The following NEK9 variants were observed in gnomAD, a reference collection of about 807,000 sequenced individuals.
NEK9 encodes the protein serine/threonine-protein kinase Nek9.
Under a neutral mutation model 123.4 loss-of-function variants are expected in NEK9, and 75 were observed. The ratio of observed to expected loss-of-function variants is 0.61; its 90% CI spans 0.50 to 0.74. NEK9 has a LOEUF of 0.74. Among genes scored for constraint, NEK9 ranks in the 30% least tolerant of loss-of-function variants. The pLI is 0.00. For missense variants in NEK9, 952 were observed against 1,214.4 expected (o/e 0.78, Z 3.21); for synonymous variants, 438 against 458.7 (o/e 0.95, Z 0.58).
chr14:75,118,508 T>C (rs1462450371), intron 5 of NEK9, among the ~76,000 whole-genome samples: 2 of 152,220 alleles, frequency 1.3e-5, no homozygotes, highest in Admixed American at 6.5e-5. Flanking sequence ...AAGAGATGTC[T>C]AACACCTTGA....
rs1894425302 is a variant in NEK9 at position 75,097,378 on chromosome 14, T to C, written c.2003-108A>G. The C allele has an allele frequency of 3.3e-6, 3 of 903,162 alleles. No individual in the cohort carries two copies. The East Asian group carries it at 8.3e-5, about 25-fold the overall frequency. 55.9% of individuals were successfully genotyped at this position (903,162 alleles called of 1,614,324 possible). ...GCTAGAAAGACTTCCCACTATGTAC[T>C]AAACAAGGGAAAGCTGTTTATTCTC... On this transcript the variant is annotated intron_variant, in intron 16 of 21. Coordinates refer to ENST00000238616, the MANE Select transcript of NEK9 (RefSeq NM_033116.6).
intron 4 of NEK9, among the ~76,000 whole-genome samples, chr14:75,119,285 C>T (rs1895244383): frequency 6.6e-6 from 1 of 151,748 alleles, no homozygotes; most frequent in Non-Finnish European, 1.5e-5. Flanking sequence ...TACATTCCAG[C>T]CTGGGCAACA....
At chr14:75,117,129 C>A (rs773028176) in intron 6 of NEK9, 66 bp downstream of exon 6, 13 of 1,526,652 alleles carry the variant, frequency 8.5e-6, no homozygotes, top group African/African-American at 1.4e-5. Flanking sequence ...TAGAGTTGAT[C>A]TGCTTAGTCA....
At position 75,082,781 on chromosome 14, in the gene NEK9, G is replaced by A. The variant is rs560152040; in HGVS notation, c.*1783C>T. 8.6e-4 allele frequency: 336 copies of A among 391,480 alleles called. No homozygotes were observed. The highest frequency in any genetic ancestry group is 1.3e-3 in the Non-Finnish European group (297 of 222,096). The allele number at this position is 391,480 out of a possible 1,614,324, so 24.3% of individuals were successfully genotyped here. ...GATACAGGGACATGACAGGTCAATC[G>A]GTCCTCAAGAAAATCAAAGTTGCAT... is the stretch of plus-strand genomic sequence containing the variant. On this transcript the variant is annotated 3_prime_UTR_variant, in exon 22 of 22. Transcript: ENST00000238616.
At chr14:75,102,183 A>G (rs1021137264) in intron 14 of NEK9, among the ~76,000 whole-genome samples, 13 of 152,212 alleles carry the variant, frequency 8.5e-5, no homozygotes, top group African/African-American at 2.7e-4. Context: ...ATCTAATTTC[A>G]TCTATAGGGT....
chr14:75,106,493 T>C lies in NEK9; in HGVS notation c.1528+9A>G. The C allele has an allele frequency of 6.2e-7, 1 of 1,609,402 alleles. No homozygotes were observed. The highest frequency in any genetic ancestry group is 8.5e-7 in the Non-Finnish European group (1 of 1,177,300). Reference sequence around the variant, plus strand: ...GTGAAGAAGTGGACAGAGACAAGGCTACCCCTACCATATTCGCCACAGCCC... The same window carrying C: ...GTGAAGAAGTGGACAGAGACAAGGCCACCCCTACCATATTCGCCACAGCCC... On this transcript the variant is annotated intron_variant, in intron 12 of 21. Coordinates refer to ENST00000238616, the MANE Select transcript of NEK9 (RefSeq NM_033116.6).
At chr14:75,089,747 A>G (rs1376010720) in intron 19 of NEK9, among the ~76,000 whole-genome samples, 2 of 143,578 alleles carry the variant, frequency 1.4e-5, no homozygotes, top group African/African-American at 2.6e-5. Flanking sequence ...TCACCAGGCC[A>G]AAGTGCAGTG....
In NEK9 at chr14:75,082,763, G is replaced by C. The variant is rs1893903692; in HGVS notation, c.*1801C>G. 2.6e-6 allele frequency: 1 copy of C among 385,104 alleles called. No individual in the cohort carries two copies. Among genetic ancestry groups the C allele is most frequent in the Middle Eastern group, 6.6e-4 (1 of 1,522 alleles). The allele number at this position is 385,104 out of a possible 1,614,324, so 23.9% of individuals were successfully genotyped here. A position where few individuals can be genotyped will look rare whatever the true frequency, so the allele number is the denominator to read the frequency against. ...TGAGATGATGAGCATGAGGATACAGGGACATGACAGGTCAATCGGTCCTCA... is the reference window on the plus strand; with the variant it reads ...TGAGATGATGAGCATGAGGATACAGCGACATGACAGGTCAATCGGTCCTCA... On this transcript the variant is annotated 3_prime_UTR_variant, in exon 22 of 22. Transcript: ENST00000238616.
rs1566659121 is a variant in NEK9 at position 75,118,860 on chromosome 14, T to C, written c.600A>G (p.Lys200=). 1 of 1,609,738 alleles carries C rather than the reference T, an allele frequency of 6.2e-7. No homozygotes were observed. Among genetic ancestry groups the C allele is most frequent in the East Asian group, 2.2e-5 (1 of 44,856 alleles). Residue 200 remains lysine, a synonymous_variant, in exon 5 of 22, where the codon AAA becomes AAG. Transcript: ENST00000238616. ...IKLGDYGLAK[K]LNSEYSMAET... ...CAGCCATGGAATACTCAGAATTAAG[T>C]TTCTTTGCTAGGCCATAATCTCCAA...
rs1894207235 is a variant in NEK9 at position 75,091,299 on chromosome 14, T to C, written c.2413A>G (p.Ser805Gly). 1.2e-6 allele frequency: 2 copies of C among 1,612,832 alleles called. No homozygotes were observed. ...TEAMGNSNGA[S>G]SSCPGWLRKE... ...CGAAGCCAGCCAGGACAGGAGCTGCTGGCCCCATTACTGTTCCCCATGGCC... is the reference window on the plus strand; with the variant it reads ...CGAAGCCAGCCAGGACAGGAGCTGCCGGCCCCATTACTGTTCCCCATGGCC... The change falls in exon 19 of 22, where the codon AGC becomes GGC. Residue 805 changes from serine (S) to glycine (G), a missense_variant. Coordinates refer to ENST00000238616, the MANE Select transcript of NEK9 (RefSeq NM_033116.6).
rs1472080029 is a variant in NEK9 at position 75,118,932 on chromosome 14, A to G, written c.528T>C (p.Asp176=). 2.0e-6 allele frequency: 3 copies of G among 1,476,576 alleles called. No homozygotes were observed. The highest frequency in any genetic ancestry group is 2.8e-6 in the Non-Finnish European group (3 of 1,058,416). 91.5% of individuals were successfully genotyped at this position (1,476,576 alleles called of 1,614,324 possible). The change falls in exon 5 of 22, where the codon GAT becomes GAC. Residue 176 remains aspartate, a synonymous_variant. Coordinates refer to ENST00000238616, the MANE Select transcript of NEK9 (RefSeq NM_033116.6). ...CIHKAGILHR[D]IKTLNIFLTK... ...TCAGAAAAATATTTAATGTCTTTATATCTCTGAAAAAAAAAGATGCTGCAA... is the reference window on the plus strand; with the variant it reads ...TCAGAAAAATATTTAATGTCTTTATGTCTCTGAAAAAAAAAGATGCTGCAA...
At chr14:75,120,328 T>C (rs1566659910) in intron 4 of NEK9, among the ~76,000 whole-genome samples, 182 bp downstream of exon 4, 4 of 152,228 alleles carry the variant, frequency 2.6e-5, no homozygotes. Context: ...TCCTAGATCA[T>C]AAACATGGTT....
At chr14:75,125,118 C>T (rs1895478700) in intron 1 of NEK9, among the ~76,000 whole-genome samples, 1 of 152,002 alleles carries the variant, frequency 6.6e-6, no homozygotes, top group South Asian at 2.1e-4. Context: ...GCATCTCCAC[C>T]TATGTAACCC....
At chr14:75,122,219 C>T (rs951200281) in intron 2 of NEK9, among the ~76,000 whole-genome samples, 2 of 151,752 alleles carry the variant, frequency 1.3e-5, no homozygotes, top group African/African-American at 2.4e-5. Context: ...TCCAGTTCTT[C>T]CTAACCACAA....
chr14:75,086,889 A>G (rs1353298879), intron 21 of NEK9, 129 bp downstream of exon 21: 1 of 932,100 alleles, frequency 1.1e-6, no homozygotes, highest in Non-Finnish European at 1.7e-6. Flanking sequence ...CTGGCAACAG[A>G]GCGAGACTCC....
chr14:75,104,115 A>G, intron 13 of NEK9, 118 bp from the exon 14 acceptor site: 2 of 1,002,922 alleles, frequency 2.0e-6, no homozygotes, highest in Non-Finnish European at 2.9e-6. Context: ...CAGGAAAGTG[A>G]GGACTGCTCT....
intron 1 of NEK9, among the ~76,000 whole-genome samples, chr14:75,125,569 G>A (rs1292167669): frequency 1.3e-5 from 2 of 152,172 alleles, no homozygotes; most frequent in Non-Finnish European, 2.9e-5. Context: ...TAAGTATACT[G>A]TTTTAGTTTC....
At chr14:75,102,343 GT>G (rs921257423) in intron 14 of NEK9, among the ~76,000 whole-genome samples, 1 of 151,782 alleles carries the variant, frequency 6.6e-6, no homozygotes, top group Non-Finnish European at 1.5e-5. Flanking sequence ...TGTTTTTTTT[GT>G]TTTTTTATTT....
chr14:75,100,128 C>CAAAAAAAAAAAAAAAA lies in NEK9; in HGVS notation c.2002+848_2002+863dup, dbSNP rs71119346. Among the ~76,000 whole-genome samples the CAAAAAAAAAAAAAAAA allele has an allele frequency of 2.6e-4, 4 of 15,604 alleles. 2 individuals are homozygous for CAAAAAAAAAAAAAAAA. The highest frequency in any genetic ancestry group is 5.5e-4 in the Non-Finnish European group (4 of 7,306). 10.2% of individuals were successfully genotyped at this position (15,604 alleles called of 152,430 possible). ...TGGGCAATAGAGCAAGACTCCATCT[C>CAAAAAAAAAAAAAAAA]AAAAAAAAAAAAAAAAAAAAAAAAA... On this transcript the variant is annotated intron_variant, in intron 16 of 21. Coordinates refer to ENST00000238616, the MANE Select transcript of NEK9 (RefSeq NM_033116.6).
Sources: allele counts gnomAD v4.1 joint callset (sites outside exome capture counted in the v4.1 genomes callset), GRCh38; gene constraint gnomAD v4.1.1; transcripts MANE v1.5; gene names NCBI Gene and HGNC (gene_info 2026-07-23, HGNC 2026-07-21).